The following GAB3 variants were observed in gnomAD, a reference collection of about 807,000 sequenced individuals.
GAB3 encodes GRB2 associated binding protein 3.
GAB3 carries 12 observed loss-of-function variants against 40.4 expected under a neutral mutation model. That is an observed-to-expected ratio of 0.30 (90% CI 0.19 to 0.48). The LOEUF (loss-of-function observed/expected upper bound fraction) is 0.48. Ranked by LOEUF, GAB3 falls within the 20% of genes least tolerant of loss-of-function variation. The probability of loss-of-function intolerance (pLI) is 0.99; values close to 1 mark genes in which losing one functional copy is unlikely to be tolerated. For missense variants in GAB3, 381 were observed against 461.9 expected (o/e 0.82, Z 1.61); for synonymous variants, 154 against 176.7 (o/e 0.87, Z 1.02).
chrX:154,744,342 C>T (rs1257302298), intron 1 of GAB3, among the ~76,000 whole-genome samples: 1 of 109,670 alleles, frequency 9.1e-6, no homozygotes, highest in African/African-American at 3.3e-5. Flanking sequence ...AAAGATACAC[C>T]GTGCAAGCAC....
chrX:154,730,292 T>G (rs2071273262), intron 1 of GAB3, among the ~76,000 whole-genome samples: 1 of 112,323 alleles, frequency 8.9e-6, no homozygotes, highest in Admixed American at 9.4e-5. Flanking sequence ...CTCACCCCTG[T>G]TCCTCTGACT....
intron 1 of GAB3, among the ~76,000 whole-genome samples, chrX:154,739,099 C>A (rs182802468): frequency 1.5e-3 from 166 of 111,731 alleles, no homozygotes; most frequent in African/African-American, 3.8e-3. Flanking sequence ...AAATGACATG[C>A]CCACTAAAGA....
intron 1 of GAB3, among the ~76,000 whole-genome samples, chrX:154,734,303 C>G (rs2071334693): frequency 8.8e-6 from 1 of 113,070 alleles, no homozygotes; most frequent in Non-Finnish European, 1.9e-5. Flanking sequence ...CTGCTGTTGC[C>G]TTTTAGTAAG....
intron 1 of GAB3, among the ~76,000 whole-genome samples, chrX:154,747,535 T>A (rs1557262206): frequency 8.9e-6 from 1 of 112,121 alleles, no homozygotes; most frequent in African/African-American, 3.2e-5. Context: ...GTACATTGGC[T>A]CACGCCTGTA....
intron 1 of GAB3, among the ~76,000 whole-genome samples, chrX:154,749,381 T>C (rs1254060584): frequency 8.9e-6 from 1 of 112,994 alleles, no homozygotes; most frequent in Admixed American, 9.3e-5. Context: ...CTTTAAAATG[T>C]CTGTCATTCC....
intron 1 of GAB3, among the ~76,000 whole-genome samples, chrX:154,742,148 C>T (rs1411106236): frequency 8.9e-6 from 1 of 111,762 alleles, no homozygotes; most frequent in Non-Finnish European, 1.9e-5. Flanking sequence ...CTAAATAACC[C>T]GCAGGTCACA....
At chrX:154,679,520 C>T (rs1557246339) in intron 9 of GAB3, among the ~76,000 whole-genome samples, 1 of 112,080 alleles carries the variant, frequency 8.9e-6, no homozygotes, top group African/African-American at 3.2e-5. Context: ...GTTACCTCAG[C>T]AAAAGAGGAG....
At chrX:154,710,497 ACATGGG>A (rs1426952080) in intron 4 of GAB3, among the ~76,000 whole-genome samples, 6 of 111,863 alleles carry the variant, frequency 5.4e-5, no homozygotes, top group African/African-American at 1.3e-4. Context: ...ACCCTCACAT[ACATGGG>A]CACTTCATCT....
intron 2 of GAB3, among the ~76,000 whole-genome samples, chrX:154,715,421 C>T (rs1421807166): frequency 4.8e-5 from 5 of 104,010 alleles, no homozygotes; most frequent in South Asian, 4.1e-4. Context: ...TGCGTGTGTG[C>T]GTGTGGCAGA....
At chrX:154,726,792 T>C (rs895468064) in intron 1 of GAB3, among the ~76,000 whole-genome samples, 64 of 111,387 alleles carry the variant, frequency 5.7e-4, no homozygotes, top group African/African-American at 2.0e-3. Flanking sequence ...TACAAAAACT[T>C]TGGAGTGATC....
At chrX:154,711,541 G>A (rs369306661) in intron 4 of GAB3, among the ~76,000 whole-genome samples, 1 of 111,888 alleles carries the variant, frequency 8.9e-6, no homozygotes, top group African/African-American at 3.3e-5. Context: ...AGATAACCTC[G>A]TGAGGATAAA....
At chrX:154,687,361 G>C (rs1173079395) in intron 8 of GAB3, among the ~76,000 whole-genome samples, 4 of 109,922 alleles carry the variant, frequency 3.6e-5, no homozygotes, top group African/African-American at 1.3e-4. Flanking sequence ...GCCAGGCGTG[G>C]TGGCTCACGC....
chrX:154,715,698 G>A (rs2071035999), intron 2 of GAB3, among the ~76,000 whole-genome samples: 1 of 111,940 alleles, frequency 8.9e-6, no homozygotes, highest in African/African-American at 3.3e-5. Flanking sequence ...ATTTCTAGAA[G>A]GTCATGAGTG....
intron 1 of GAB3, among the ~76,000 whole-genome samples, chrX:154,726,524 G>C (rs2071213675): frequency 9.0e-6 from 1 of 111,710 alleles, no homozygotes; most frequent in African/African-American, 3.3e-5. Flanking sequence ...AATAAAAGAG[G>C]CTTCATCCAG....
intron 2 of GAB3, among the ~76,000 whole-genome samples, chrX:154,714,880 C>T (rs1436617794): frequency 8.9e-6 from 1 of 112,259 alleles, no homozygotes; most frequent in Admixed American, 9.4e-5. Flanking sequence ...TGCATAATGT[C>T]AGACTCTAGC....
chrX:154,737,655 G>A (rs2071382573), intron 1 of GAB3, among the ~76,000 whole-genome samples: 1 of 112,001 alleles, frequency 8.9e-6, no homozygotes, highest in Non-Finnish European at 1.9e-5. Context: ...TTTCTCCCAT[G>A]CTCTTGCTCA....
At position 154,699,450 on chromosome X, in the gene GAB3, T is replaced by C. The variant is rs1557251623; in HGVS notation, c.1189A>G (p.Met397Val). ...SASIEDSYVP[M>V]SPQAGASGLG... Reference sequence around the variant, plus strand: ...CCAGAGGCACCAGCCTGGGGGCTCATGGGCACATAGCTGTCTTCGATACTG... The same window carrying C: ...CCAGAGGCACCAGCCTGGGGGCTCACGGGCACATAGCTGTCTTCGATACTG... The change falls in exon 6 of 10, where the codon ATG becomes GTG. Residue 397 changes from methionine to valine, a missense_variant. By Grantham distance (21) the Met-to-Val change is conservative. This residue lies in a region of GAB3 where 364 missense variants were observed against 421.0 expected (regional missense o/e 0.86). Transcript: ENST00000424127. 1 of 1,209,926 alleles carries C rather than the reference T, an allele frequency of 8.3e-7. No individual in the cohort carries two copies.
chrX:154,751,050 C>T lies in GAB3; in HGVS notation c.-25G>A, dbSNP rs2071608246. 1 of 786,929 alleles carries T rather than the reference C, an allele frequency of 1.3e-6. No individual in the cohort carries two copies. Among genetic ancestry groups the T allele is most frequent in the Non-Finnish European group, 1.5e-6 (1 of 658,565 alleles). The allele number at this position is 786,929 out of a possible 1,213,427, so 64.9% of individuals were successfully genotyped here. On this transcript the variant is annotated 5_prime_UTR_variant, in exon 1 of 10. Transcript: ENST00000424127. ...TCGTGGCCGCCGCCGCCGCTTCCTCCAGCTGGGCCAGCCGCCCGCGGCAGA... is the reference window on the plus strand; with the variant it reads ...TCGTGGCCGCCGCCGCCGCTTCCTCTAGCTGGGCCAGCCGCCCGCGGCAGA...
At chrX:154,694,697 C>T (rs1447943771) in intron 8 of GAB3, among the ~76,000 whole-genome samples, 2 of 112,458 alleles carry the variant, frequency 1.8e-5, no homozygotes, top group Non-Finnish European at 3.8e-5. Context: ...CCAGCCAACA[C>T]TGATCTTTCT....
Sources: gnomAD v4.1 joint callset for allele counts (sites outside exome capture counted in the v4.1 genomes callset) on GRCh38, gnomAD v4.1.1 for gene constraint, gnomAD v4.1.1 regional missense constraint, MANE v1.5 for transcripts, NCBI Gene and HGNC (gene_info 2026-07-23, HGNC 2026-07-21) for gene names.